MOCOS: variants seen among roughly 807,000 people sequenced by gnomAD.
The protein encoded by MOCOS is human molybdenum cofactor sulfurase.
In MOCOS, 86 loss-of-function variants were observed where a neutral mutation model predicts 83.6. The observed-to-expected ratio is 1.03, with a 90% confidence interval of 0.86 to 1.23. MOCOS has a LOEUF of 1.23. Among genes scored for constraint, MOCOS ranks in the 50% most tolerant of loss-of-function variants. MOCOS has a pLI of 0.00. For synonymous variants in MOCOS, 445 were observed against 434.7 expected (o/e 1.02, Z -0.29); for missense variants, 1,120 against 1,126.9 (o/e 0.99, Z 0.09).
chr18:36,228,013 G>T (rs930873056), intron 9 of MOCOS, among the ~76,000 whole-genome samples: 2 of 152,056 alleles, frequency 1.3e-5, no homozygotes, highest in African/African-American at 4.8e-5. Context: ...TAAAAAGTAG[G>T]CAAAGAACAT....
intron 6 of MOCOS, among the ~76,000 whole-genome samples, chr18:36,208,917 T>C (rs1415344936): frequency 6.6e-6 from 1 of 152,180 alleles, no homozygotes; most frequent in Non-Finnish European, 1.5e-5. Context: ...CAGTATGATG[T>C]TGGGTGTAGT....
intron 1 of MOCOS, among the ~76,000 whole-genome samples, chr18:36,190,730 C>A (rs1421015819): frequency 6.6e-6 from 1 of 151,984 alleles, no homozygotes; most frequent in African/African-American, 2.4e-5. Context: ...GTCTGGGCAA[C>A]AGAGTGAGAC....
chr18:36,214,272 A>AG (rs2091467484), intron 7 of MOCOS, among the ~76,000 whole-genome samples: 3 of 149,582 alleles, frequency 2.0e-5, no homozygotes, highest in Non-Finnish European at 4.5e-5. Flanking sequence ...AGAAAAGAAA[A>AG]AAAAGAAAAT....
intron 8 of MOCOS, among the ~76,000 whole-genome samples, chr18:36,216,400 C>A (rs963986668): frequency 2.0e-5 from 3 of 152,054 alleles, no homozygotes; most frequent in Admixed American, 6.6e-5. Context: ...GAAGATATGT[C>A]AAAAGGACAC....
At chr18:36,197,869 C>T (rs1038382886) in intron 2 of MOCOS, among the ~76,000 whole-genome samples, 26 of 152,092 alleles carry the variant, frequency 1.7e-4, no homozygotes, top group African/African-American at 6.3e-4. Flanking sequence ...GTTTTCATTC[C>T]CCTGAAAAGA....
chr18:36,243,784 C>G (rs1242983747), intron 9 of MOCOS, among the ~76,000 whole-genome samples: 1 of 152,118 alleles, frequency 6.6e-6, no homozygotes, highest in Non-Finnish European at 1.5e-5. Context: ...ATTACCATTT[C>G]AGTCTCGCTA....
intron 2 of MOCOS, among the ~76,000 whole-genome samples, chr18:36,197,568 A>G (rs2091394129): frequency 6.6e-6 from 1 of 151,848 alleles, no homozygotes; most frequent in South Asian, 2.1e-4. Context: ...AGTTCAAGAC[A>G]ACCCTGGGCA....
chr18:36,245,229 T>A (rs2091598286), intron 9 of MOCOS, among the ~76,000 whole-genome samples: 1 of 152,230 alleles, frequency 6.6e-6, no homozygotes, highest in South Asian at 2.1e-4. Flanking sequence ...GTGTGAGCTT[T>A]ATGCTTTAAG....
intron 9 of MOCOS, among the ~76,000 whole-genome samples, chr18:36,225,314 G>C (rs1253797016): frequency 2.0e-5 from 3 of 152,044 alleles, no homozygotes; most frequent in Non-Finnish European, 2.9e-5. Flanking sequence ...ACCATGCCCA[G>C]CTAATTTTTG....
intron 7 of MOCOS, 50 bp downstream of exon 7, chr18:36,213,532 C>CA (rs1168890360): frequency 6.7e-7 from 1 of 1,491,278 alleles, no homozygotes; most frequent in African/African-American, 1.4e-5. Context: ...GACCCAGCAA[C>CA]ACCTGTTGCT....
chr18:36,195,552 G>A (rs1482060132), intron 2 of MOCOS, among the ~76,000 whole-genome samples: 4 of 152,216 alleles, frequency 2.6e-5, no homozygotes, highest in Admixed American at 1.3e-4. Context: ...CTCAGGGACA[G>A]ACACACAGGT....
rs201208527 is a variant in MOCOS at position 36,268,525 on chromosome 18, G to T, written c.2515-8G>T. The stretch of plus-strand genomic sequence containing the variant: ...CCTTTTTTGTTGTTGTTGCTGTTTT[G>T]TTCACAGGTGAACTTTGGCATGTAC... On this transcript the variant is annotated splice_region_variant and splice_polypyrimidine_tract_variant and intron_variant, in intron 14 of 14. Coordinates refer to ENST00000261326, the MANE Select transcript of MOCOS (RefSeq NM_017947.4). 1 of 1,613,806 alleles carries T rather than the reference G, an allele frequency of 6.2e-7. No homozygotes were observed. The highest frequency in any genetic ancestry group is 2.2e-5 in the East Asian group (1 of 44,860).
At chr18:36,252,271 A>T (rs2091624799) in intron 11 of MOCOS, among the ~76,000 whole-genome samples, 1 of 152,156 alleles carries the variant, frequency 6.6e-6, no homozygotes, top group Non-Finnish European at 1.5e-5. Flanking sequence ...CTGTAATCCC[A>T]GCACTTTGGG....
At chr18:36,239,700 A>C (rs1445503325) in intron 9 of MOCOS, among the ~76,000 whole-genome samples, 5 of 147,524 alleles carry the variant, frequency 3.4e-5, no homozygotes, top group South Asian at 2.1e-4. Flanking sequence ...AGATTGGGGA[A>C]ATTCTCCTGG....
chr18:36,188,070 G>C (rs1023289515), intron 1 of MOCOS, among the ~76,000 whole-genome samples: 1 of 152,208 alleles, frequency 6.6e-6, no homozygotes, highest in African/African-American at 2.4e-5. Context: ...GTCCTCCCGA[G>C]GTAGGAGCGG....
intron 9 of MOCOS, among the ~76,000 whole-genome samples, chr18:36,229,241 A>G (rs1445954961): frequency 1.3e-5 from 2 of 152,094 alleles, no homozygotes; most frequent in African/African-American, 4.8e-5. Flanking sequence ...TTTATAAATC[A>G]GGTCTAGTAG....
intron 9 of MOCOS, among the ~76,000 whole-genome samples, chr18:36,227,947 G>C (rs2091524017): frequency 6.6e-6 from 1 of 152,096 alleles, no homozygotes; most frequent in Non-Finnish European, 1.5e-5. Context: ...ATCTGACAAA[G>C]GTCTAATATC....
At chr18:36,202,620 GA>G (rs1438060831) in intron 4 of MOCOS, among the ~76,000 whole-genome samples, 1 of 152,218 alleles carries the variant, frequency 6.6e-6, no homozygotes, top group African/African-American at 2.4e-5. Context: ...TAAGACAGCA[GA>G]GGGAAGGTAT....
intron 1 of MOCOS, among the ~76,000 whole-genome samples, chr18:36,193,547 G>A (rs1217584780): frequency 6.6e-6 from 1 of 151,974 alleles, no homozygotes; most frequent in Non-Finnish European, 1.5e-5. Context: ...GCAAAAGAAC[G>A]AACTTGGACC....
Sources: allele counts gnomAD v4.1 joint callset (sites outside exome capture counted in the v4.1 genomes callset), GRCh38; gene constraint gnomAD v4.1.1; transcripts MANE v1.5; gene names NCBI Gene and HGNC (gene_info 2026-07-23, HGNC 2026-07-21).